L3MBTL4: variants seen among roughly 807,000 people sequenced by gnomAD.
The protein encoded by L3MBTL4 is L3MBTL histone methyl-lysine binding protein 4, also known as lethal(3)malignant brain tumor-like protein 4.
A neutral mutation model predicts 84.5 loss-of-function variants in L3MBTL4; 70 were observed. The observed-to-expected ratio is 0.83, with a 90% confidence interval of 0.68 to 1.01. The LOEUF (loss-of-function observed/expected upper bound fraction) is 1.01. Among genes scored for constraint, L3MBTL4 ranks in the 50% least tolerant of loss-of-function variants. The pLI, the probability that L3MBTL4 is intolerant of heterozygous loss-of-function variation, is 0.00. For missense variants in L3MBTL4, 715 were observed against 754.8 expected (o/e 0.95, Z 0.62); for synonymous variants, 274 against 259.8 (o/e 1.05, Z -0.52).
chr18:6,317,784 A>C (rs2051184098), intron 1 of L3MBTL4, among the ~76,000 whole-genome samples: 1 of 152,210 alleles, frequency 6.6e-6, no homozygotes, highest in Admixed American at 6.5e-5. Context: ...AAAGGACATC[A>C]CCAAGGTATA....
At chr18:6,049,057 G>A (rs2056746588) in intron 16 of L3MBTL4, among the ~76,000 whole-genome samples, 1 of 152,118 alleles carries the variant, frequency 6.6e-6, no homozygotes, top group South Asian at 2.1e-4. Context: ...AGGCAGAGGT[G>A]AGGGGAGAGC....
chr18:6,111,647 C>T (rs1293339348), intron 14 of L3MBTL4, among the ~76,000 whole-genome samples: 4 of 152,120 alleles, frequency 2.6e-5, no homozygotes, highest in East Asian at 3.9e-4. Flanking sequence ...AGCGTGTGAA[C>T]GACTGAGCAT....
intron 1 of L3MBTL4, among the ~76,000 whole-genome samples, chr18:6,335,760 T>C (rs2052303633): frequency 6.6e-6 from 1 of 152,174 alleles, no homozygotes; most frequent in Admixed American, 6.5e-5. Flanking sequence ...CAATACCTCC[T>C]TCACACACTC....
intron 13 of L3MBTL4, among the ~76,000 whole-genome samples, chr18:6,167,481 G>A (rs2043733053): frequency 1.3e-5 from 2 of 152,274 alleles, no homozygotes; most frequent in African/African-American, 4.8e-5. Flanking sequence ...TATCCACCAT[G>A]ATCAAATGGG....
chr18:6,065,588 T>C (rs896361488), intron 16 of L3MBTL4, among the ~76,000 whole-genome samples: 2 of 152,072 alleles, frequency 1.3e-5, no homozygotes, highest in Non-Finnish European at 2.9e-5. Flanking sequence ...GATGGTTTTA[T>C]GTCTCAGGAC....
chr18:6,157,426 C>T (rs564406303), intron 13 of L3MBTL4, among the ~76,000 whole-genome samples: 115 of 152,280 alleles, frequency 7.6e-4, no homozygotes, highest in Non-Finnish European at 1.2e-3. Context: ...ATTTCCATCT[C>T]TGAATAAAAT....
intron 3 of L3MBTL4, among the ~76,000 whole-genome samples, chr18:6,307,417 C>G (rs2050638284): frequency 7.4e-6 from 1 of 134,724 alleles, no homozygotes; most frequent in Admixed American, 8.2e-5. Flanking sequence ...AGCCTGGTGA[C>G]AGAGCAAGAC....
intron 4 of L3MBTL4, among the ~76,000 whole-genome samples, chr18:6,300,895 G>T (rs1395076611): frequency 6.6e-6 from 1 of 152,138 alleles, no homozygotes; most frequent in Non-Finnish European, 1.5e-5. Context: ...TGAACATCAA[G>T]TTATATAATT....
chr18:5,981,963 G>C (rs72873878), intron 16 of L3MBTL4, among the ~76,000 whole-genome samples: 30,707 of 138,164 alleles, frequency 0.22, 4,698 homozygotes, highest in African/African-American at 0.46. Flanking sequence ...GAACAAAAAG[G>C]TTTCAATATT....
At chr18:6,253,595 A>G (rs1247260707) in intron 5 of L3MBTL4, among the ~76,000 whole-genome samples, 1 of 152,246 alleles carries the variant, frequency 6.6e-6, no homozygotes, top group African/African-American at 2.4e-5. Context: ...CAAATTTTCC[A>G]TAATGCTAAT....
chr18:6,086,371 AT>A (rs1029005010), intron 15 of L3MBTL4, among the ~76,000 whole-genome samples: 19 of 152,216 alleles, frequency 1.2e-4, no homozygotes, highest in Non-Finnish European at 2.4e-4. Context: ...AAATCCAGAG[AT>A]TAAGAATAAA....
intron 16 of L3MBTL4, among the ~76,000 whole-genome samples, chr18:5,970,269 A>AG (rs2052574515): frequency 6.6e-6 from 1 of 152,210 alleles, no homozygotes; most frequent in Non-Finnish European, 1.5e-5. Context: ...AGCAGCTCTG[A>AG]ATGTACCATG....
intron 4 of L3MBTL4, among the ~76,000 whole-genome samples, chr18:6,265,094 C>A (rs927094415): frequency 3.9e-5 from 6 of 152,156 alleles, no homozygotes; most frequent in African/African-American, 7.2e-5. Context: ...ACAAATTGAT[C>A]ATTTTTGGTA....
chr18:6,160,876 A>G (rs1284267004), intron 13 of L3MBTL4, among the ~76,000 whole-genome samples: 3 of 152,154 alleles, frequency 2.0e-5, no homozygotes, highest in African/African-American at 7.2e-5. Context: ...CCATTGTCCA[A>G]TGGAGTAGGT....
intron 1 of L3MBTL4, among the ~76,000 whole-genome samples, chr18:6,312,511 C>G (rs1410029088): frequency 1.3e-5 from 2 of 152,130 alleles, no homozygotes; most frequent in East Asian, 3.9e-4. Context: ...CTTCCTCTTA[C>G]AGTTGTTCAG....
chr18:6,007,444 AT>A (rs1567975941), intron 16 of L3MBTL4, among the ~76,000 whole-genome samples: 2 of 152,240 alleles, frequency 1.3e-5, no homozygotes, highest in African/African-American at 4.8e-5. Flanking sequence ...TTGGAAAAAA[AT>A]TCAAATGTTT....
chr18:6,404,391 C>T (rs2144682426), intron 1 of L3MBTL4, among the ~76,000 whole-genome samples: 1 of 152,310 alleles, frequency 6.6e-6, no homozygotes, highest in South Asian at 2.1e-4. Context: ...AAGCCATTCA[C>T]TGACACATTT....
intron 12 of L3MBTL4, among the ~76,000 whole-genome samples, chr18:6,196,823 TCAGCTA>T (rs1287330761): frequency 2.6e-5 from 4 of 152,184 alleles, no homozygotes; most frequent in African/African-American, 9.6e-5. Context: ...GACCCTGGAT[TCAGCTA>T]TGCCTGTAGC....
At chr18:6,197,535 C>G (rs560072599) in intron 12 of L3MBTL4, among the ~76,000 whole-genome samples, 23 of 152,156 alleles carry the variant, frequency 1.5e-4, no homozygotes, top group Non-Finnish European at 3.2e-4. Context: ...TGGGTTGATT[C>G]CACGTCTTTG....
Sources: gnomAD v4.1 joint callset for allele counts (sites outside exome capture counted in the v4.1 genomes callset) on GRCh38, gnomAD v4.1.1 for gene constraint, MANE v1.5 for transcripts, NCBI Gene and HGNC (gene_info 2026-07-23, HGNC 2026-07-21) for gene names.